The following MYBL1 variants were observed in gnomAD, a reference collection of about 807,000 sequenced individuals.
MYBL1 encodes myb-related protein A.
A neutral mutation model predicts 96.3 loss-of-function variants in MYBL1; 17 were observed. The ratio of observed to expected loss-of-function variants is 0.18; its 90% CI spans 0.12 to 0.26. The LOEUF (loss-of-function observed/expected upper bound fraction) is 0.26, where lower values mean the gene tolerates loss of function less well. Among genes scored for constraint, MYBL1 ranks in the 10% least tolerant of loss-of-function variants. The pLI, the probability that MYBL1 is intolerant of heterozygous loss-of-function variation, is 1.00. For missense variants in MYBL1, 701 were observed against 882.9 expected, an observed-to-expected ratio of 0.79 and a Z score of 2.61; for synonymous variants, 282 against 292.7, an observed-to-expected ratio of 0.96 and a Z score of 0.37.
chr8:66,608,354 A>G (rs1810401987), intron 1 of MYBL1, among the ~76,000 whole-genome samples: 1 of 152,138 alleles, frequency 6.6e-6, no homozygotes, highest in African/African-American at 2.4e-5. Flanking sequence ...AAGTGTGAAG[A>G]AGCAAGTAGA....
At chr8:66,580,803 G>T (rs886150730) in intron 8 of MYBL1, among the ~76,000 whole-genome samples, 7 of 151,684 alleles carry the variant, frequency 4.6e-5, no homozygotes, top group Non-Finnish European at 1.0e-4. Flanking sequence ...ACATATTGCT[G>T]CTCCCTCTAT....
At chr8:66,580,987 G>A (rs1450813134) in intron 8 of MYBL1, among the ~76,000 whole-genome samples, 1 of 151,238 alleles carries the variant, frequency 6.6e-6, no homozygotes, top group Non-Finnish European at 1.5e-5. Flanking sequence ...CAGCCTCCCG[G>A]GTAGCTGGGA....
intron 12 of MYBL1, among the ~76,000 whole-genome samples, chr8:66,572,081 G>C (rs376912768): frequency 4.0e-5 from 6 of 151,596 alleles, no homozygotes; most frequent in East Asian, 3.9e-4. Flanking sequence ...GGCCGAGGTG[G>C]GGGGGAGGGG....
At chr8:66,610,929 A>G (rs1462426253) in intron 1 of MYBL1, among the ~76,000 whole-genome samples, 1 of 152,176 alleles carries the variant, frequency 6.6e-6, no homozygotes, top group East Asian at 1.9e-4. Context: ...AAATCATTCT[A>G]TCATGTTTAA....
intron 8 of MYBL1, among the ~76,000 whole-genome samples, chr8:66,580,808 C>T (rs1257650071): frequency 6.6e-6 from 1 of 152,026 alleles, no homozygotes; most frequent in Non-Finnish European, 1.5e-5. Flanking sequence ...TTGCTGCTCC[C>T]TCTATCTATT....
rs1808636139 is a variant in MYBL1 at position 66,569,302 on chromosome 8, CT to C, written c.1729-2311del. ...GACATGACCTCATTCTTTTTTATGG[CT>C]GCATAGTATTCTATGGTGCATACGT... On this transcript the variant is annotated intron_variant, in intron 12 of 15. Coordinates refer to ENST00000522677, the MANE Select transcript of MYBL1 (RefSeq NM_001080416.4). Among the ~76,000 whole-genome samples, 2 of 150,376 alleles carry C rather than the reference CT, an allele frequency of 1.3e-5. 1 individual carries two copies. Among genetic ancestry groups the C allele is most frequent in the African/African-American group, 4.9e-5 (2 of 40,974 alleles).
intron 12 of MYBL1, among the ~76,000 whole-genome samples, chr8:66,568,530 C>T (rs956879591): frequency 1.3e-5 from 2 of 151,944 alleles, no homozygotes; most frequent in Non-Finnish European, 2.9e-5. Flanking sequence ...AAACTCCTGA[C>T]CTCAGGAGGT....
chr8:66,584,765 A>C (rs1405623648), intron 8 of MYBL1, among the ~76,000 whole-genome samples: 2 of 152,166 alleles, frequency 1.3e-5, no homozygotes, highest in African/African-American at 4.8e-5. Flanking sequence ...CACAAAAAGA[A>C]ATCAAGAAAG....
chr8:66,609,665 T>C (rs945379847), intron 1 of MYBL1, among the ~76,000 whole-genome samples: 19 of 152,058 alleles, frequency 1.2e-4, no homozygotes, highest in African/African-American at 4.6e-4. Flanking sequence ...GAGTTCTACC[T>C]AGTAATTCCA....
chr8:66,593,102 G>C lies in MYBL1; in HGVS notation c.762+18C>G. On this transcript the variant is annotated intron_variant, in intron 7 of 15. Transcript: ENST00000522677. ...ACTGAACACATTTCCTTTGGTTTTC[G>C]TTATAAATAAAAGTTACCTGAATAA... The C allele has an allele frequency of 6.7e-7, 1 of 1,503,750 alleles. No individual in the cohort carries two copies. Among genetic ancestry groups the C allele is most frequent in the Non-Finnish European group, 9.1e-7 (1 of 1,104,792 alleles). 93.2% of individuals were successfully genotyped at this position (1,503,750 alleles called of 1,614,324 possible).
intron 1 of MYBL1, among the ~76,000 whole-genome samples, chr8:66,608,361 T>C (rs1387459872): frequency 1.3e-5 from 2 of 152,140 alleles, no homozygotes; most frequent in Admixed American, 6.5e-5. Flanking sequence ...AAGAAGCAAG[T>C]AGAATTCTTA....
In MYBL1 at chr8:66,602,440, C is replaced by T. The variant is rs768656587; in HGVS notation, c.104G>A (p.Arg35Lys). 1.9e-6 allele frequency: 3 copies of T among 1,599,154 alleles called. No homozygotes were observed. The highest frequency in any genetic ancestry group is 2.6e-6 in the Non-Finnish European group (3 of 1,172,042). ...TACCTCGTCCCTTGTCCATTTTACT[C>T]TGTTCCAGAGTTTCTTCAGTCCTTT... is the stretch of plus-strand genomic sequence containing the variant. The part of the protein sequence containing the change: ...QQKGLKKLWN[R>K]VKWTRDEDDK... Residue 35 changes from arginine (R) to lysine (K), a missense_variant, in exon 2 of 16, where the codon AGA becomes AAA. Arg to Lys is a conservative substitution (Grantham distance 26). Transcript: ENST00000522677.
Position 66,597,321 on chromosome 8 carries a change from T to TATA in MYBL1, c.512+6_512+8dup. 6.4e-7 allele frequency: 1 copy of TATA among 1,551,842 alleles called. No individual in the cohort carries two copies. Among genetic ancestry groups the TATA allele is most frequent in the East Asian group, 2.3e-5 (1 of 42,636 alleles). On this transcript the variant is annotated intron_variant, in intron 5 of 15. Coordinates refer to ENST00000522677, the MANE Select transcript of MYBL1 (RefSeq NM_001080416.4). The stretch of plus-strand genomic sequence containing the variant: ...GTACAGAAAAATATATATACATTTA[T>TATA]ATAAGCACCTTCCTGGAAGTAGTTT...
intron 12 of MYBL1, among the ~76,000 whole-genome samples, chr8:66,568,360 C>T (rs1586549686): frequency 6.6e-6 from 1 of 152,124 alleles, no homozygotes. Flanking sequence ...TTCACTGCAA[C>T]CTCCACAACC....
intron 8 of MYBL1, 48 bp downstream of exon 8, chr8:66,592,392 G>C: frequency 8.2e-7 from 1 of 1,215,872 alleles, no homozygotes; most frequent in Non-Finnish European, 1.2e-6. Flanking sequence ...ATGACAAAAA[G>C]CATATATGAA....
Sources: allele counts gnomAD v4.1 joint callset (sites outside exome capture counted in the v4.1 genomes callset), GRCh38; gene constraint gnomAD v4.1.1; transcripts MANE v1.5; gene names NCBI Gene and HGNC (gene_info 2026-07-23, HGNC 2026-07-21).